GLIS3: variants seen among roughly 807,000 people sequenced by gnomAD.
GLIS3 encodes GLIS family zinc finger 3, also known as zinc finger protein GLIS3.
GLIS3 carries 53 observed loss-of-function variants against 78.6 expected under a neutral mutation model. That is an observed-to-expected ratio of 0.67 (90% CI 0.54 to 0.85). GLIS3 has a LOEUF of 0.85. Ranked by LOEUF, GLIS3 falls within the 40% of genes least tolerant of loss-of-function variation. The pLI is 0.00. For synonymous variants in GLIS3, 684 were observed against 509.9 expected, an observed-to-expected ratio of 1.34 and a Z score of -4.60; for missense variants, 1,703 against 1,231.1, an observed-to-expected ratio of 1.38 and a Z score of -5.74.
chr9:4,260,615 G>T (rs1182368554), intron 2 of GLIS3, among the ~76,000 whole-genome samples: 2 of 151,200 alleles, frequency 1.3e-5, no homozygotes, highest in South Asian at 2.1e-4. Flanking sequence ...CCATGGTGGT[G>T]CATACCTGTA....
intron 2 of GLIS3, among the ~76,000 whole-genome samples, chr9:4,323,368 A>G (rs1007580499): frequency 2.6e-5 from 4 of 152,126 alleles, no homozygotes. Context: ...TTTAAATTTC[A>G]TAAGAAGAGT....
intron 4 of GLIS3, among the ~76,000 whole-genome samples, chr9:3,994,359 C>A (rs1820576563): frequency 6.6e-6 from 1 of 152,112 alleles, no homozygotes; most frequent in Non-Finnish European, 1.5e-5. Flanking sequence ...AAATATTTGG[C>A]AAATAAGGAA....
chr9:4,079,357 C>T (rs911238746), intron 4 of GLIS3, among the ~76,000 whole-genome samples: 3 of 152,174 alleles, frequency 2.0e-5, no homozygotes, highest in Admixed American at 1.3e-4. Context: ...AGGAAAAAGA[C>T]TGTCTTGTAC....
At chr9:4,199,955 C>G (rs938918000) in intron 2 of GLIS3, among the ~76,000 whole-genome samples, 1 of 152,144 alleles carries the variant, frequency 6.6e-6, no homozygotes, top group Non-Finnish European at 1.5e-5. Flanking sequence ...TCATACCAAT[C>G]GTACTCTTGG....
chr9:4,385,805 GAAAGA>G, the GLIS3 span, among the ~76,000 whole-genome samples: 156 of 60,464 alleles, frequency 2.6e-3, 2 homozygotes, highest in African/African-American at 0.011. Context: ...AAGAAAGAAA[GAAAGA>G]AAAGAAAGAA....
chr9:4,011,470 C>T (rs1189719487), intron 4 of GLIS3, among the ~76,000 whole-genome samples: 1 of 152,208 alleles, frequency 6.6e-6, no homozygotes, highest in African/African-American at 2.4e-5. Context: ...TTAGCAAGGC[C>T]TTGGGGAACA....
At chr9:4,256,981 G>A (rs967891084) in intron 2 of GLIS3, among the ~76,000 whole-genome samples, 5 of 152,160 alleles carry the variant, frequency 3.3e-5, no homozygotes, top group African/African-American at 1.2e-4. Context: ...CAAAGAAGTT[G>A]TGGTATACAT....
the GLIS3 span, among the ~76,000 whole-genome samples, chr9:4,354,899 T>C: frequency 6.6e-5 from 10 of 152,154 alleles, no homozygotes; most frequent in South Asian, 1.7e-3. Flanking sequence ...GGCGGATCAC[T>C]AGGTCAGGAG....
chr9:3,903,852 G>A (rs1260269451), intron 6 of GLIS3, among the ~76,000 whole-genome samples: 2 of 152,156 alleles, frequency 1.3e-5, no homozygotes, highest in African/African-American at 4.8e-5. Flanking sequence ...AAAGACTTGA[G>A]GAGTTGGAGA....
chr9:4,201,640 T>C (rs1252955477), intron 2 of GLIS3, among the ~76,000 whole-genome samples: 1 of 151,720 alleles, frequency 6.6e-6, no homozygotes, highest in Non-Finnish European at 1.5e-5. Flanking sequence ...AGCTAAAAAA[T>C]ATCTACAACA....
At chr9:4,162,720 A>G (rs776144135) in intron 2 of GLIS3, among the ~76,000 whole-genome samples, 9 of 151,924 alleles carry the variant, frequency 5.9e-5, no homozygotes, top group South Asian at 2.1e-4. Context: ...AGCTGGGCAT[A>G]GTGGCACACA....
At chr9:4,068,730 G>A (rs946850682) in intron 4 of GLIS3, among the ~76,000 whole-genome samples, 1 of 152,064 alleles carries the variant, frequency 6.6e-6, no homozygotes, top group Non-Finnish European at 1.5e-5. Context: ...ACAGAGCCTA[G>A]TCACACAGTG....
intron 2 of GLIS3, among the ~76,000 whole-genome samples, chr9:4,179,884 T>A (rs1377861094): frequency 1.3e-5 from 2 of 148,680 alleles, no homozygotes; most frequent in Non-Finnish European, 3.0e-5. Flanking sequence ...TACTCCAGCC[T>A]GGGTGAGAGA....
At position 4,138,238 on chromosome 9, in the gene GLIS3, G is replaced by A. The variant is rs373440369; in HGVS notation, c.389-12297C>T. Reference sequence around the variant, plus strand: ...AATATAAGAAAGAATGAATGGAAGGGAGGGAGAACGCATATTGTCATGGGA... The same window carrying A: ...AATATAAGAAAGAATGAATGGAAGGAAGGGAGAACGCATATTGTCATGGGA... On this transcript the variant is annotated intron_variant, in intron 2 of 10. Transcript: ENST00000381971. Among the ~76,000 whole-genome samples the A allele has an allele frequency of 1.5e-4, 23 of 152,310 alleles. No individual in the cohort carries two copies. In the South Asian group the frequency reaches 4.6e-3, roughly 30 times the overall value.
chr9:4,247,623 C>T (rs1362213136), intron 2 of GLIS3, among the ~76,000 whole-genome samples: 1 of 151,874 alleles, frequency 6.6e-6, no homozygotes, highest in African/African-American at 2.4e-5. Flanking sequence ...TTACAATTTA[C>T]CATTTGGGGA....
At chr9:4,358,863 C>A in the GLIS3 span, among the ~76,000 whole-genome samples, 1 of 152,182 alleles carries the variant, frequency 6.6e-6, no homozygotes, top group East Asian at 1.9e-4. Context: ...CCAGAGTCAT[C>A]TTATAGAAGT....
chr9:4,262,695 G>A (rs1007989067), intron 2 of GLIS3, among the ~76,000 whole-genome samples: 1 of 151,996 alleles, frequency 6.6e-6, no homozygotes, highest in Non-Finnish European at 1.5e-5. Flanking sequence ...TGTGCTGCTG[G>A]GCACTATGCA....
chr9:3,933,242 C>T (rs147598257), intron 5 of GLIS3, among the ~76,000 whole-genome samples: 1,909 of 152,012 alleles, frequency 0.013, 48 homozygotes, highest in African/African-American at 0.044. Context: ...GTGGCGCAAT[C>T]TCGGCTCACT....
chr9:4,244,257 T>C (rs1823591679), intron 2 of GLIS3, among the ~76,000 whole-genome samples: 2 of 152,242 alleles, frequency 1.3e-5, no homozygotes, highest in Admixed American at 6.5e-5. Flanking sequence ...GAAACGTACA[T>C]GGCACAGTAA....
Sources: allele counts gnomAD v4.1 joint callset (sites outside exome capture counted in the v4.1 genomes callset), GRCh38; gene constraint gnomAD v4.1.1; transcripts MANE v1.5; gene names NCBI Gene and HGNC (gene_info 2026-07-23, HGNC 2026-07-21).